ADGRL2: variants seen among roughly 807,000 people sequenced by gnomAD.
The protein encoded by ADGRL2 is adhesion G protein-coupled receptor L2.
ADGRL2 carries 44 observed loss-of-function variants against 157.4 expected under a neutral mutation model. The ratio of observed to expected loss-of-function variants is 0.28; its 90% confidence interval spans 0.22 to 0.36. The LOEUF (loss-of-function observed/expected upper bound fraction) is 0.36. ADGRL2 is among the 10% of genes least tolerant of loss of function. The pLI is 1.00. For missense variants in ADGRL2, 1,510 were observed against 1,768.9 expected, an observed-to-expected ratio of 0.85 and a Z score of 2.63; for synonymous variants, 585 against 624.7, an observed-to-expected ratio of 0.94 and a Z score of 0.95.
chr1:81,967,849 C>T (rs1657588827), intron 13 of ADGRL2, among the ~76,000 whole-genome samples, 177 bp from the exon 14 acceptor site: 1 of 152,000 alleles, frequency 6.6e-6, no homozygotes, highest in African/African-American at 2.4e-5. Flanking sequence ...ACTATAAAGC[C>T]CCTTTTAAGC....
At chr1:81,395,365 A>G (rs1303184844) in intron 1 of ADGRL2, among the ~76,000 whole-genome samples, 1 of 151,920 alleles carries the variant, frequency 6.6e-6, no homozygotes, top group Admixed American at 6.6e-5. Flanking sequence ...TCATTTACCT[A>G]TTTTCAAATG....
At chr1:81,728,735 C>T (rs2149166275) in intron 1 of ADGRL2, among the ~76,000 whole-genome samples, 1 of 152,282 alleles carries the variant, frequency 6.6e-6, no homozygotes, top group African/African-American at 2.4e-5. Context: ...CCCACTCAAT[C>T]TCTCTGTCTC....
intron 2 of ADGRL2, among the ~76,000 whole-genome samples, chr1:81,888,784 C>A (rs564943817): frequency 4.1e-4 from 62 of 152,214 alleles, no homozygotes; most frequent in Non-Finnish European, 3.7e-4. Context: ...TTTATGGAAA[C>A]CTTGTTTCCC....
intron 3 of ADGRL2, among the ~76,000 whole-genome samples, chr1:81,688,740 A>T (rs2083277902): frequency 6.6e-6 from 1 of 152,040 alleles, no homozygotes; most frequent in South Asian, 2.1e-4. Context: ...GGGGTGTTGA[A>T]GGCCTTGTTT....
chr1:81,338,085 C>T lies in ADGRL2; in HGVS notation c.-302+31576C>T, dbSNP rs1196071213. Among the ~76,000 whole-genome samples, 6 of 152,042 alleles carry T rather than the reference C, an allele frequency of 3.9e-5. No homozygotes were observed. In the East Asian group the frequency reaches 5.8e-4, roughly 15 times the overall value. ...ACTACAATTCAGACTACTCTTGGCC[C>T]AACGCAGTGGCTCACACCTGTAATC... On this transcript the variant is annotated intron_variant, in intron 1 of 24. Coordinates refer to the ADGRL2 transcript ENST00000370721.
At chr1:81,532,464 C>A (rs1171605696) in intron 2 of ADGRL2, among the ~76,000 whole-genome samples, 1 of 151,974 alleles carries the variant, frequency 6.6e-6, no homozygotes, top group Admixed American at 6.6e-5. Context: ...TAAACGTAAG[C>A]ACTAAGCTTT....
At chr1:81,552,564 A>G (rs1173706189) in intron 2 of ADGRL2, among the ~76,000 whole-genome samples, 1 of 148,552 alleles carries the variant, frequency 6.7e-6, no homozygotes, top group African/African-American at 2.5e-5. Flanking sequence ...GATGTTTACT[A>G]GATGAATGCT....
chr1:81,801,357 G>A (rs1459929753), intron 1 of ADGRL2, among the ~76,000 whole-genome samples: 1 of 152,170 alleles, frequency 6.6e-6, no homozygotes, highest in Non-Finnish European at 1.5e-5. Flanking sequence ...GAGGCTGGAG[G>A]TGACTCCAGT....
chr1:81,374,338 G>A (rs184858355), intron 1 of ADGRL2, among the ~76,000 whole-genome samples: 43 of 152,178 alleles, frequency 2.8e-4, no homozygotes, highest in African/African-American at 7.9e-4. Flanking sequence ...TTGGGAGGCC[G>A]AGGCGGGTGG....
At chr1:81,909,439 A>C (rs1349668788) in intron 3 of ADGRL2, among the ~76,000 whole-genome samples, 1 of 152,166 alleles carries the variant, frequency 6.6e-6, no homozygotes, top group Non-Finnish European at 1.5e-5. Flanking sequence ...GAAAGCATAA[A>C]ACTAAGTATA....
At chr1:81,481,403 A>G (rs2078383902) in intron 2 of ADGRL2, among the ~76,000 whole-genome samples, 1 of 152,218 alleles carries the variant, frequency 6.6e-6, no homozygotes, top group South Asian at 2.1e-4. Flanking sequence ...CATTCTGTTT[A>G]GGACTGTAGT....
rs1408203038 is a variant in ADGRL2 at position 81,942,968 on chromosome 1, G to A, written c.410-1G>A. The A allele has an allele frequency of 6.2e-7, 1 of 1,602,338 alleles. No homozygotes were observed. The highest frequency in any genetic ancestry group is 8.5e-7 in the Non-Finnish European group (1 of 1,172,560). ...TTTTTGTCTTTCTCTGTAACTGTTA[G>A]TTTTTGTGTGTCCTGGGACCTTGAA... is the stretch of plus-strand genomic sequence containing the variant. On this transcript the variant is annotated splice_acceptor_variant, in intron 5 of 23. Coordinates refer to ENST00000686636, the MANE Select transcript of ADGRL2 (RefSeq NM_001366006.2). LOFTEE classifies it high-confidence loss of function.
At chr1:81,867,719 T>A (rs550287996) in intron 2 of ADGRL2, among the ~76,000 whole-genome samples, 22 of 152,294 alleles carry the variant, frequency 1.4e-4, no homozygotes, top group African/African-American at 5.1e-4. Context: ...AATACTTCAT[T>A]GCAAAGTCAA....
intron 19 of ADGRL2, among the ~76,000 whole-genome samples, chr1:81,982,266 T>C (rs1661883744): frequency 6.6e-6 from 1 of 151,936 alleles, no homozygotes; most frequent in Non-Finnish European, 1.5e-5. Flanking sequence ...ATATACAAGG[T>C]AAAAGAAAAG....
intron 3 of ADGRL2, among the ~76,000 whole-genome samples, chr1:81,594,907 T>C (rs2081202418): frequency 6.6e-6 from 1 of 152,218 alleles, no homozygotes; most frequent in Admixed American, 6.5e-5. Flanking sequence ...TCACAACTAG[T>C]GTAAAGTGAA....
chr1:81,340,879 G>T (rs1192208069), intron 1 of ADGRL2, among the ~76,000 whole-genome samples: 1 of 147,882 alleles, frequency 6.8e-6, no homozygotes, highest in Non-Finnish European at 1.5e-5. Context: ...ATGGAAAGTT[G>T]TGAGGGAGCA....
intron 1 of ADGRL2, among the ~76,000 whole-genome samples, chr1:81,727,141 C>T (rs2084558146): frequency 6.6e-6 from 1 of 152,146 alleles, no homozygotes; most frequent in South Asian, 2.1e-4. Context: ...AACCAAGTTT[C>T]CAAGACAGGC....
At chr1:81,427,953 G>A (rs2077249183) in intron 1 of ADGRL2, among the ~76,000 whole-genome samples, 1 of 151,926 alleles carries the variant, frequency 6.6e-6, no homozygotes, top group Non-Finnish European at 1.5e-5. Context: ...TTGCGGTGGT[G>A]GTAACAGGAA....
intron 1 of ADGRL2, among the ~76,000 whole-genome samples, chr1:81,724,396 C>G (rs2084440298): frequency 6.6e-6 from 1 of 151,890 alleles, no homozygotes; most frequent in Non-Finnish European, 1.5e-5. Context: ...CAGAGGGGAA[C>G]CAATTTTTTT....
Sources: gnomAD v4.1 joint callset for allele counts (sites outside exome capture counted in the v4.1 genomes callset) on GRCh38, gnomAD v4.1.1 for gene constraint, MANE v1.5 for transcripts, NCBI Gene and HGNC (gene_info 2026-07-23, HGNC 2026-07-21) for gene names.